Variants in THRB observed in about 807,000 individuals in gnomAD.
THRB encodes the protein thyroid hormone receptor beta.
In THRB, 12 loss-of-function variants were observed where a neutral mutation model predicts 47.8. The observed-to-expected ratio is 0.25, with a 90% CI of 0.16 to 0.41. THRB has a LOEUF of 0.41. Ranked by LOEUF, THRB falls within the 10% of genes least tolerant of loss-of-function variation. THRB has a pLI of 1.00. For missense variants in THRB, 348 were observed against 589.2 expected (o/e 0.59, Z 4.24); for synonymous variants, 218 against 212.2 (o/e 1.03, Z -0.24).
At chr3:24,365,597 T>A (rs531631533) in intron 1 of THRB, among the ~76,000 whole-genome samples, 353 of 152,294 alleles carry the variant, frequency 2.3e-3, no homozygotes, top group Non-Finnish European at 4.1e-3. Context: ...AGAAATATGA[T>A]AACTGCAAAC....
At chr3:24,256,742 T>C (rs1333572223) in intron 3 of THRB, among the ~76,000 whole-genome samples, 1 of 151,792 alleles carries the variant, frequency 6.6e-6, no homozygotes, top group Admixed American at 6.6e-5. Flanking sequence ...TACAGAGAGA[T>C]AGGTTTCATT....
At chr3:24,217,594 G>A (rs1276502855) in intron 4 of THRB, among the ~76,000 whole-genome samples, 2 of 151,864 alleles carry the variant, frequency 1.3e-5, no homozygotes, top group African/African-American at 2.4e-5. Context: ...TTGACACCAA[G>A]CAAGTAAAAT....
chr3:24,179,481 G>A (rs936035627), intron 5 of THRB, among the ~76,000 whole-genome samples: 1 of 152,196 alleles, frequency 6.6e-6, no homozygotes, highest in Non-Finnish European at 1.5e-5. Flanking sequence ...AACAATTGGT[G>A]AATCCAGGTG....
At chr3:24,214,072 C>A (rs1359419998) in intron 4 of THRB, among the ~76,000 whole-genome samples, 1 of 152,182 alleles carries the variant, frequency 6.6e-6, no homozygotes, top group Non-Finnish European at 1.5e-5. Context: ...TAATGATCAT[C>A]TCCGTTTCAC....
At chr3:24,296,516 T>A (rs550614571) in intron 3 of THRB, among the ~76,000 whole-genome samples, 15 of 152,332 alleles carry the variant, frequency 9.8e-5, no homozygotes, top group African/African-American at 3.6e-4. Context: ...AGGCTGAGAA[T>A]ATGAGTAAGT....
intron 1 of THRB, among the ~76,000 whole-genome samples, chr3:24,341,314 T>G (rs2149460774): frequency 6.8e-6 from 1 of 147,396 alleles, no homozygotes; most frequent in South Asian, 2.2e-4. Flanking sequence ...TCACTGACAC[T>G]TCCACTTCCT....
intron 1 of THRB, among the ~76,000 whole-genome samples, chr3:24,428,526 AGGT>A (rs2070012190): frequency 6.6e-6 from 1 of 152,052 alleles, no homozygotes; most frequent in Non-Finnish European, 1.5e-5. Flanking sequence ...CAGTTTCACC[AGGT>A]GGTGGCAAGT....
chr3:24,358,642 G>T (rs1227378722), intron 1 of THRB, among the ~76,000 whole-genome samples: 2 of 151,962 alleles, frequency 1.3e-5, no homozygotes, highest in African/African-American at 4.8e-5. Flanking sequence ...GCCTACTTCT[G>T]TGTTGGTATG....
intron 1 of THRB, among the ~76,000 whole-genome samples, chr3:24,425,028 T>A (rs1270137530): frequency 2.0e-5 from 3 of 151,952 alleles, no homozygotes; most frequent in Non-Finnish European, 4.4e-5. Flanking sequence ...AAATATGCCA[T>A]AATTTATTTA....
intron 1 of THRB, among the ~76,000 whole-genome samples, chr3:24,375,503 T>C (rs1035234274): frequency 6.8e-6 from 1 of 146,352 alleles, no homozygotes; most frequent in African/African-American, 2.5e-5. Context: ...TATTAATATA[T>C]TATAGTTAGA....
intron 3 of THRB, among the ~76,000 whole-genome samples, chr3:24,284,234 T>G (rs2054975003): frequency 6.6e-6 from 1 of 151,306 alleles, no homozygotes; most frequent in Non-Finnish European, 1.5e-5. Context: ...AAAACAGAGA[T>G]ATAGATCAAC....
chr3:24,357,575 A>T (rs2063778583), intron 1 of THRB, among the ~76,000 whole-genome samples: 1 of 151,982 alleles, frequency 6.6e-6, no homozygotes, highest in Admixed American at 6.6e-5. Context: ...ATACCTATGT[A>T]TTCTTTTTTT....
chr3:24,133,167 A>G, intron 9 of THRB, 149 bp downstream of exon 9: 1 of 797,968 alleles, frequency 1.3e-6, no homozygotes, highest in Non-Finnish European at 2.1e-6. Flanking sequence ...TCCAAATGAA[A>G]TAGAATGCAT....
intron 3 of THRB, among the ~76,000 whole-genome samples, chr3:24,251,541 A>G (rs1272816206): frequency 1.3e-5 from 2 of 152,134 alleles, no homozygotes; most frequent in African/African-American, 2.4e-5. Context: ...TAGAATAATT[A>G]TAAGAGATGA....
chr3:24,478,418 A>G (rs1273318997), intron 1 of THRB, among the ~76,000 whole-genome samples: 1 of 152,230 alleles, frequency 6.6e-6, no homozygotes, highest in African/African-American at 2.4e-5. Flanking sequence ...TAAAAATAAC[A>G]TGTTACATCT....
chr3:24,225,438 A>G (rs890791048), intron 4 of THRB, among the ~76,000 whole-genome samples: 4 of 152,238 alleles, frequency 2.6e-5, no homozygotes, highest in Admixed American at 6.5e-5. Context: ...ATTCACATTA[A>G]AGGCATCATA....
At chr3:24,259,076 C>G (rs2051639321) in intron 3 of THRB, among the ~76,000 whole-genome samples, 1 of 152,174 alleles carries the variant, frequency 6.6e-6, no homozygotes, top group Non-Finnish European at 1.5e-5. Flanking sequence ...CAGACCCACG[C>G]CTGCTCCATG....
rs773914705 is a variant in THRB at position 24,165,223 on chromosome 3, C to T, written c.284-12733G>A. On this transcript the variant is annotated intron_variant, in intron 5 of 10. Coordinates refer to ENST00000646209, the MANE Select transcript of THRB (RefSeq NM_001354712.2). ...GTTCCATATATATGTTGTTACTGGG[C>T]ACAGCCTGAGCATCGCAACCGCTGT... 7.8e-6 allele frequency: 6 copies of T among 765,026 alleles called. No homozygotes were observed. In the East Asian group the frequency reaches 1.5e-4, roughly 19 times the overall value. 47.4% of individuals were successfully genotyped at this position (765,026 alleles called of 1,614,324 possible).
intron 1 of THRB, among the ~76,000 whole-genome samples, chr3:24,471,749 G>A (rs1694742449): frequency 6.6e-6 from 1 of 152,114 alleles, no homozygotes; most frequent in African/African-American, 2.4e-5. Flanking sequence ...TCATGCATAT[G>A]GTTGTTCAAC....
Sources: gnomAD v4.1 joint callset for allele counts (sites outside exome capture counted in the v4.1 genomes callset) on GRCh38, gnomAD v4.1.1 for gene constraint, MANE v1.5 for transcripts, NCBI Gene and HGNC (gene_info 2026-07-23, HGNC 2026-07-21) for gene names.